The following SPAG16 variants were observed in gnomAD, a reference collection of about 807,000 sequenced individuals.
SPAG16 encodes the protein sperm associated antigen 16.
SPAG16 carries 86 observed loss-of-function variants against 80.4 expected under a neutral mutation model. That is an observed-to-expected ratio of 1.07 (90% CI 0.90 to 1.28). The LOEUF (loss-of-function observed/expected upper bound fraction) is 1.28. SPAG16 is among the 50% of genes most tolerant of loss of function. The pLI is 0.00. For synonymous variants in SPAG16, 294 were observed against 265.9 expected, an observed-to-expected ratio of 1.11 and a Z score of -1.03; for missense variants, 870 against 765.3, an observed-to-expected ratio of 1.14 and a Z score of -1.61.
intron 12 of SPAG16, among the ~76,000 whole-genome samples, chr2:213,938,411 C>A (rs963871727): frequency 2.6e-5 from 4 of 151,836 alleles, no homozygotes; most frequent in Non-Finnish European, 4.4e-5. Context: ...TATTCTCACA[C>A]ATTTATGTAT....
chr2:214,067,982 A>T (rs550420074), intron 13 of SPAG16, among the ~76,000 whole-genome samples: 1 of 151,688 alleles, frequency 6.6e-6, no homozygotes, highest in East Asian at 1.9e-4. Flanking sequence ...CCTTCAAAAT[A>T]TTTTTTTTTG....
chr2:213,358,694 G>A, intron 7 of SPAG16, among the ~76,000 whole-genome samples: 1 of 152,036 alleles, frequency 6.6e-6, no homozygotes, highest in Admixed American at 6.6e-5. Flanking sequence ...CCTTGCGATG[G>A]GTTAGACCAC....
intron 9 of SPAG16, among the ~76,000 whole-genome samples, chr2:213,449,575 A>T (rs2071564059): frequency 6.6e-6 from 1 of 152,098 alleles, no homozygotes; most frequent in Non-Finnish European, 1.5e-5. Context: ...GTCTCTCTTT[A>T]TTTCTCAGCT....
intron 9 of SPAG16, among the ~76,000 whole-genome samples, chr2:213,453,051 C>G (rs929405088): frequency 1.3e-5 from 2 of 152,208 alleles, no homozygotes; most frequent in African/African-American, 4.8e-5. Context: ...AGTTTTTCCT[C>G]TGTTCACTCT....
intron 15 of SPAG16, among the ~76,000 whole-genome samples, chr2:214,254,880 T>TTC (rs1176909479): frequency 6.6e-6 from 1 of 151,970 alleles, no homozygotes; most frequent in African/African-American, 2.4e-5. Context: ...TTTGATGTTA[T>TTC]TCTTTTAACT....
intron 15 of SPAG16, among the ~76,000 whole-genome samples, chr2:214,250,747 TATATATATATAGAGAG>T (rs1484534544): frequency 2.2e-5 from 2 of 90,464 alleles, no homozygotes; most frequent in Middle Eastern, 6.2e-3. Context: ...TATATATATA[TATATATATATAGAGAG>T]AGAGAGAGAG....
chr2:213,781,321 A>T (rs552112277), intron 10 of SPAG16, among the ~76,000 whole-genome samples: 1 of 152,328 alleles, frequency 6.6e-6, no homozygotes, highest in East Asian at 1.9e-4. Context: ...ACATCACCCA[A>T]TGAGAAATAA....
At chr2:213,935,915 A>T (rs2078969388) in intron 12 of SPAG16, among the ~76,000 whole-genome samples, 1 of 152,208 alleles carries the variant, frequency 6.6e-6, no homozygotes, top group Non-Finnish European at 1.5e-5. Context: ...GCATTCTTTC[A>T]GGAGGCAGAA....
At chr2:213,430,545 A>G (rs76919062) in intron 9 of SPAG16, among the ~76,000 whole-genome samples, 11,278 of 152,226 alleles carry the variant, frequency 0.074, 1,376 homozygotes, top group African/African-American at 0.25. Flanking sequence ...TCTTCTTCCA[A>G]TGTGGCCCAG....
intron 15 of SPAG16, among the ~76,000 whole-genome samples, chr2:214,403,335 A>ATATATT (rs1701819688): frequency 6.7e-6 from 1 of 148,542 alleles, no homozygotes; most frequent in Non-Finnish European, 1.5e-5. Context: ...ATTTATTTAT[A>ATATATT]TATTTATATT....
chr2:214,215,097 GAA>G (rs1192139032), intron 15 of SPAG16, among the ~76,000 whole-genome samples: 1 of 151,934 alleles, frequency 6.6e-6, no homozygotes, highest in African/African-American at 2.4e-5. Flanking sequence ...TTTTGTTCCA[GAA>G]AAAGACATTG....
intron 10 of SPAG16, among the ~76,000 whole-genome samples, chr2:213,811,833 A>C (rs970319747): frequency 6.6e-6 from 1 of 152,164 alleles, no homozygotes; most frequent in Non-Finnish European, 1.5e-5. Flanking sequence ...TAATATGGTA[A>C]GAAAAGGAAA....
chr2:214,191,710 T>A (rs2057668474), intron 15 of SPAG16, among the ~76,000 whole-genome samples: 1 of 82,416 alleles, frequency 1.2e-5, no homozygotes, highest in African/African-American at 5.5e-5. Context: ...TGAGACTCTG[T>A]CTCAAAAAAA....
chr2:213,627,888 C>T (rs1398961681), intron 10 of SPAG16, among the ~76,000 whole-genome samples: 2 of 152,208 alleles, frequency 1.3e-5, no homozygotes, highest in Non-Finnish European at 2.9e-5. Flanking sequence ...TGCTTCGCAG[C>T]ATCACTGTTA....
In SPAG16 at chr2:214,356,684, A is replaced by T. The variant is rs376426590; in HGVS notation, c.1721-53456A>T. Among the ~76,000 whole-genome samples the T allele has an allele frequency of 8.0e-4, 121 of 152,076 alleles. No individual in the cohort carries two copies. In the South Asian group the frequency reaches 0.024, roughly 31 times the overall value. Reference sequence around the variant, plus strand: ...TTTACCGTAAAGATAATCCATGTTAACTCTTCAGAACCATGCAAGAACCTA... The same window carrying T: ...TTTACCGTAAAGATAATCCATGTTATCTCTTCAGAACCATGCAAGAACCTA... On this transcript the variant is annotated intron_variant, in intron 15 of 15. Transcript: ENST00000331683.
intron 7 of SPAG16, among the ~76,000 whole-genome samples, chr2:213,352,273 A>G (rs904948802): frequency 6.6e-6 from 1 of 152,152 alleles, no homozygotes; most frequent in African/African-American, 2.4e-5. Flanking sequence ...GAGTTTAACA[A>G]TAATTTAAAT....
At chr2:213,854,870 C>T (rs1186122502) in intron 10 of SPAG16, among the ~76,000 whole-genome samples, 1 of 152,250 alleles carries the variant, frequency 6.6e-6, no homozygotes, top group Non-Finnish European at 1.5e-5. Flanking sequence ...CAAACCTAGC[C>T]CACAAACTGG....
chr2:214,364,607 A>G (rs1287145259), intron 15 of SPAG16, among the ~76,000 whole-genome samples: 1 of 152,164 alleles, frequency 6.6e-6, no homozygotes, highest in Non-Finnish European at 1.5e-5. Context: ...GATGGATGTG[A>G]AGTTACTAAA....
At chr2:213,772,965 A>G (rs899137210) in intron 10 of SPAG16, among the ~76,000 whole-genome samples, 6 of 151,976 alleles carry the variant, frequency 3.9e-5, no homozygotes, top group Admixed American at 3.3e-4. Context: ...GCTTTTATAT[A>G]CAATATGTTC....
Sources: gnomAD v4.1 joint callset for allele counts (sites outside exome capture counted in the v4.1 genomes callset) on GRCh38, gnomAD v4.1.1 for gene constraint, MANE v1.5 for transcripts, NCBI Gene and HGNC (gene_info 2026-07-23, HGNC 2026-07-21) for gene names.